GCSAML: variants seen among roughly 807,000 people sequenced by gnomAD.
GCSAML encodes germinal center-associated signaling and motility-like protein.
Under a neutral mutation model 13.0 loss-of-function variants are expected in GCSAML, and 9 were observed. The observed-to-expected ratio is 0.69, with a 90% CI of 0.42 to 1.21. The LOEUF is 1.21. Among genes scored for constraint, GCSAML ranks in the 50% most tolerant of loss-of-function variants. The pLI is 0.00. For missense variants in GCSAML, 143 were observed against 153.4 expected (o/e 0.93, Z 0.36); for synonymous variants, 37 against 52.9 (o/e 0.70, Z 1.31).
chr1:247,561,384 T>C (rs987545207), intron 2 of GCSAML, among the ~76,000 whole-genome samples: 6 of 152,220 alleles, frequency 3.9e-5, no homozygotes, highest in Admixed American at 3.3e-4. Context: ...ACCAATCTTT[T>C]ATTTGTCTTG....
At position 247,575,376 on chromosome 1, in the gene GCSAML, C is replaced by G. The variant is rs1460993979; in HGVS notation, c.*994C>G. On this transcript the variant is annotated 3_prime_UTR_variant, in exon 5 of 5. Coordinates refer to ENST00000366488, the MANE Select transcript of GCSAML (RefSeq NM_145278.5). ...ATATATGTCCAAGAATCTTCAATTC[C>G]AAGCCTGCTCACCAAATTTCAAATG... The G allele has an allele frequency of 2.6e-5, 4 of 152,094 alleles. No individual in the cohort carries two copies. The highest frequency in any genetic ancestry group is 5.9e-5 in the Non-Finnish European group (4 of 68,016). The allele number at this position is 152,094 out of a possible 1,614,324, so 9.4% of individuals were successfully genotyped here.
chr1:247,569,576 T>C (rs1176060), intron 4 of GCSAML, among the ~76,000 whole-genome samples: 89,263 of 152,026 alleles, frequency 0.59, 26,818 homozygotes, highest in East Asian at 0.8. Flanking sequence ...GTGGTGGATA[T>C]GCTTTTTAAT....
intron 1 of GCSAML, among the ~76,000 whole-genome samples, chr1:247,509,915 T>C (rs1255246703): frequency 6.6e-6 from 1 of 152,226 alleles, no homozygotes; most frequent in African/African-American, 2.4e-5. Context: ...AGTATTTTAT[T>C]GAGGATTTTT....
At chr1:247,559,375 G>GT (rs1429875538) in intron 2 of GCSAML, among the ~76,000 whole-genome samples, 1 of 152,050 alleles carries the variant, frequency 6.6e-6, no homozygotes, top group Non-Finnish European at 1.5e-5. Flanking sequence ...AGTTTGGTGT[G>GT]TAGCAATTCA....
chr1:247,546,612 C>T (rs989602240), upstream of GCSAML, among the ~76,000 whole-genome samples: 46 of 152,062 alleles, frequency 3.0e-4, no homozygotes, highest in Non-Finnish European at 5.6e-4. Flanking sequence ...CCACCCGCCT[C>T]GGCCTGCCAA....
chr1:247,565,032 T>A (rs1454861078), intron 3 of GCSAML, among the ~76,000 whole-genome samples: 3 of 152,174 alleles, frequency 2.0e-5, no homozygotes, highest in African/African-American at 7.2e-5. Flanking sequence ...CTAATTAAAC[T>A]AAAGTATTTC....
chr1:247,521,227 C>G (rs546110802), intron 1 of GCSAML, among the ~76,000 whole-genome samples: 20 of 151,928 alleles, frequency 1.3e-4, no homozygotes, highest in African/African-American at 4.8e-4. Flanking sequence ...TTTTATATAC[C>G]TGCAGTATTA....
intron 1 of GCSAML, among the ~76,000 whole-genome samples, chr1:247,513,695 G>A (rs572632149): frequency 2.0e-5 from 3 of 152,212 alleles, no homozygotes; most frequent in African/African-American, 7.2e-5. Context: ...GAAAATCATA[G>A]TATCTGGGGC....
At chr1:247,548,271 C>T (rs1667643659), upstream of GCSAML, among the ~76,000 whole-genome samples, 2 of 152,196 alleles carry the variant, frequency 1.3e-5, no homozygotes, top group African/African-American at 4.8e-5. The surrounding 1 kb of genome is among the most constrained non-coding windows in gnomAD (Gnocchi z 5.3). Context: ...TAGCTGATCT[C>T]CTGCCGCTGA....
chr1:247,507,604 T>C (rs1665874820), intron 1 of GCSAML, among the ~76,000 whole-genome samples: 1 of 152,164 alleles, frequency 6.6e-6, no homozygotes, highest in Non-Finnish European at 1.5e-5. Context: ...ACACGTGCCA[T>C]GGTGGTTTGC....
intron 2 of GCSAML, among the ~76,000 whole-genome samples, chr1:247,558,496 A>G (rs182935243): frequency 2.8e-4 from 42 of 152,282 alleles, no homozygotes; most frequent in African/African-American, 7.2e-4. Flanking sequence ...AGTCACCACA[A>G]TCAAGATACA....
chr1:247,519,765 G>C (rs1267715820), intron 1 of GCSAML, among the ~76,000 whole-genome samples: 7 of 152,146 alleles, frequency 4.6e-5, no homozygotes, highest in Non-Finnish European at 1.0e-4. Flanking sequence ...GTTTCTGTTG[G>C]AACAAGCTTC....
intron 4 of GCSAML, among the ~76,000 whole-genome samples, chr1:247,567,292 G>A (rs2892239): frequency 0.15 from 22,330 of 151,610 alleles, 2,235 homozygotes; most frequent in Middle Eastern, 0.22. Context: ...AACCCCCCAT[G>A]CATTAGGTAT....
In GCSAML at chr1:247,571,569, G is replaced by A. The variant is rs183696031; in HGVS notation, c.169-2574G>A. ...TTGTAGGGTTTCTGCAGAGAGATCC[G>A]CCATTAGTCTGATGGGCTTCCCTTT... On this transcript the variant is annotated intron_variant, in intron 4 of 4. Coordinates refer to ENST00000366488, the MANE Select transcript of GCSAML (RefSeq NM_145278.5). 2.8e-4 allele frequency among the ~76,000 whole-genome samples: 42 copies of A among 152,262 alleles called. No homozygotes were observed. The South Asian group carries it at 7.5e-3, about 27-fold the overall frequency.
At chr1:247,529,718 GTTTTTTTTTTTTTTTT>G (rs57236564) in intron 2 of GCSAML, 13 of 108,308 alleles carry the variant, frequency 1.2e-4, no homozygotes, top group Non-Finnish European at 1.9e-4. Context: ...CTGTGAAGGT[GTTTTTTTTTTTTTTTT>G]TTTTTTTTTT....
chr1:247,548,910 CTGA>C, upstream of GCSAML: 1 of 544,478 alleles, frequency 1.8e-6, no homozygotes, highest in South Asian at 2.7e-5. This position sits in a 1 kb window ranked among gnomAD's most constrained non-coding sequence, Gnocchi z 5.3. Flanking sequence ...ATGTTTCAGC[CTGA>C]TTTTTTCCCA....
intron 2 of GCSAML, among the ~76,000 whole-genome samples, chr1:247,557,747 C>T (rs756278316): frequency 2.4e-4 from 37 of 152,134 alleles, no homozygotes; most frequent in Non-Finnish European, 4.7e-4. Context: ...CACGCTCCCC[C>T]GACTCCCCCC....
At chr1:247,563,177 G>C (rs1668204257) in intron 2 of GCSAML, among the ~76,000 whole-genome samples, 2 of 151,982 alleles carry the variant, frequency 1.3e-5, no homozygotes. Flanking sequence ...ATTACTGTAA[G>C]GTTTTAGTTA....
chr1:247,538,895 A>C, intron 2 of GCSAML: 1 of 353,532 alleles, frequency 2.8e-6, no homozygotes, highest in South Asian at 2.2e-5. Flanking sequence ...GCTCCAGTGC[A>C]ACACTTTAGA....
Sources: gnomAD v4.1 joint callset for allele counts (sites outside exome capture counted in the v4.1 genomes callset) on GRCh38, gnomAD v4.1.1 for gene constraint, Gnocchi (gnomAD v3.1) non-coding constraint, MANE v1.5 for transcripts, NCBI Gene and HGNC (gene_info 2026-07-23, HGNC 2026-07-21) for gene names.